KSR2: variants seen among roughly 807,000 people sequenced by gnomAD.
The protein encoded by KSR2 is kinase suppressor of ras 2.
In KSR2, 25 loss-of-function variants were observed where a neutral mutation model predicts 107.8. The ratio of observed to expected loss-of-function variants is 0.23; its 90% CI spans 0.17 to 0.32. The LOEUF is 0.32. Among genes scored for constraint, KSR2 ranks in the 10% least tolerant of loss-of-function variants. KSR2 has a pLI of 1.00. For missense variants in KSR2, 887 were observed against 1,268.9 expected (o/e 0.70, Z 4.57); for synonymous variants, 480 against 507.0 (o/e 0.95, Z 0.71).
intron 14 of KSR2, among the ~76,000 whole-genome samples, chr12:117,489,390 CA>C (rs1178884353): frequency 2.0e-5 from 3 of 151,644 alleles, no homozygotes; most frequent in African/African-American, 4.8e-5. Context: ...AAAGGATACA[CA>C]AAAAAACTAG....
chr12:117,848,171 C>A (rs914702590), intron 3 of KSR2, among the ~76,000 whole-genome samples: 3 of 151,978 alleles, frequency 2.0e-5, no homozygotes, highest in Non-Finnish European at 4.4e-5. Context: ...ATCAAAATGC[C>A]AAAAAGAAGA....
chr12:117,743,968 A>G (rs1888311068), intron 4 of KSR2, among the ~76,000 whole-genome samples: 1 of 152,170 alleles, frequency 6.6e-6, no homozygotes, highest in Non-Finnish European at 1.5e-5. Flanking sequence ...ATGAATTCTC[A>G]GCTCCCTTCA....
intron 5 of KSR2, among the ~76,000 whole-genome samples, chr12:117,653,557 G>A (rs956886148): frequency 1.3e-5 from 2 of 152,216 alleles, no homozygotes; most frequent in African/African-American, 4.8e-5. Context: ...GCAAACACAC[G>A]GGACTTATTG....
At chr12:117,538,917 G>C (rs572493428) in intron 10 of KSR2, among the ~76,000 whole-genome samples, 2 of 152,190 alleles carry the variant, frequency 1.3e-5, no homozygotes, top group East Asian at 3.9e-4. Flanking sequence ...CCTAGCAGAG[G>C]AACCGGGCCA....
At chr12:117,875,458 GCAGCGC>G (rs1893810898) in intron 1 of KSR2, among the ~76,000 whole-genome samples, 1 of 151,870 alleles carries the variant, frequency 6.6e-6, no homozygotes. Context: ...AAACCTCGCA[GCAGCGC>G]CAAGGGAAGG....
intron 5 of KSR2, among the ~76,000 whole-genome samples, chr12:117,619,786 G>A (rs1882085259): frequency 1.3e-5 from 2 of 151,684 alleles, no homozygotes; most frequent in Non-Finnish European, 2.9e-5. Context: ...TTTTTATAAA[G>A]ACAGCTTTAT....
At chr12:117,475,800 A>G (rs1481060430) in intron 17 of KSR2, among the ~76,000 whole-genome samples, 1 of 152,232 alleles carries the variant, frequency 6.6e-6, no homozygotes, top group Admixed American at 6.5e-5. Flanking sequence ...ATATGGTAGG[A>G]GCAATGATAT....
intron 4 of KSR2, among the ~76,000 whole-genome samples, chr12:117,710,942 T>A (rs1886747491): frequency 6.6e-6 from 1 of 152,154 alleles, no homozygotes; most frequent in South Asian, 2.1e-4. Context: ...CAGTCTTCAC[T>A]CCATTCTCCA....
chr12:117,719,672 C>A (rs575388016), intron 4 of KSR2, among the ~76,000 whole-genome samples: 1 of 152,318 alleles, frequency 6.6e-6, no homozygotes, highest in South Asian at 2.1e-4. Flanking sequence ...GCTAGACCCT[C>A]TTCAACCATT....
At chr12:117,612,656 A>G (rs1881667967) in intron 5 of KSR2, among the ~76,000 whole-genome samples, 1 of 149,322 alleles carries the variant, frequency 6.7e-6, no homozygotes, top group Admixed American at 6.8e-5. Flanking sequence ...CAATTTGCAG[A>G]AGAAAAACCA....
chr12:117,862,965 G>A (rs1172285103), intron 1 of KSR2, among the ~76,000 whole-genome samples: 3 of 152,030 alleles, frequency 2.0e-5, no homozygotes, highest in Admixed American at 6.6e-5. Context: ...TCCTGATCTC[G>A]TGATCCACCT....
chr12:117,479,496 G>C (rs969481397), intron 16 of KSR2, among the ~76,000 whole-genome samples: 2 of 152,178 alleles, frequency 1.3e-5, no homozygotes, highest in Non-Finnish European at 2.9e-5. Context: ...GGCATTGCAG[G>C]ATGGTCAGCA....
In KSR2 at chr12:117,674,374, G is replaced by T. The variant is rs188571097; in HGVS notation, c.987-6716C>A. On this transcript the variant is annotated intron_variant, in intron 4 of 19. Coordinates refer to ENST00000339824, the MANE Select transcript of KSR2 (RefSeq NM_173598.6). The stretch of plus-strand genomic sequence containing the variant: ...TTGTTATACTAAAGTGAAATTCACA[G>T]AACGTAAAATTCACCATTTTAAATT... 1.6e-3 allele frequency: 745 copies of T among 463,928 alleles called. 4 individuals carry two copies. Among genetic ancestry groups the T allele is most frequent in the Middle Eastern group, 0.011 (32 of 2,980 alleles). The allele number at this position is 463,928 out of a possible 1,614,324, so 28.7% of individuals were successfully genotyped here.
At chr12:117,796,421 T>C (rs926257766) in intron 3 of KSR2, among the ~76,000 whole-genome samples, 1 of 152,168 alleles carries the variant, frequency 6.6e-6, no homozygotes, top group Non-Finnish European at 1.5e-5. Context: ...CAAGTTGTCA[T>C]TACCATCAGC....
chr12:117,716,921 T>C (rs148143735), intron 4 of KSR2, among the ~76,000 whole-genome samples: 160 of 152,354 alleles, frequency 1.1e-3, no homozygotes, highest in African/African-American at 3.6e-3. Context: ...AAGTGTTTTA[T>C]TTCCTCCCAC....
At chr12:117,881,066 G>T (rs967177575) in intron 1 of KSR2, among the ~76,000 whole-genome samples, 16 of 151,922 alleles carry the variant, frequency 1.1e-4, no homozygotes, top group African/African-American at 3.1e-4. Flanking sequence ...CAGATTTCAA[G>T]TATCTCAAGG....
intron 3 of KSR2, among the ~76,000 whole-genome samples, chr12:117,831,108 C>T (rs1891947036): frequency 6.6e-6 from 1 of 152,186 alleles, no homozygotes; most frequent in Admixed American, 6.5e-5. Flanking sequence ...ATATTATTAT[C>T]AATATGCCCT....
At chr12:117,522,765 T>C (rs1175787111) in intron 14 of KSR2, among the ~76,000 whole-genome samples, 1 of 152,100 alleles carries the variant, frequency 6.6e-6, no homozygotes, top group Non-Finnish European at 1.5e-5. Context: ...GTTGAGGATA[T>C]CCCCTGACAA....
chr12:117,877,320 G>C (rs1489361361), intron 1 of KSR2, among the ~76,000 whole-genome samples: 1 of 152,116 alleles, frequency 6.6e-6, no homozygotes, highest in African/African-American at 2.4e-5. Flanking sequence ...CTGGGTGACA[G>C]AGTAAGACTC....
Sources: allele counts gnomAD v4.1 joint callset (sites outside exome capture counted in the v4.1 genomes callset), GRCh38; gene constraint gnomAD v4.1.1; transcripts MANE v1.5; gene names NCBI Gene and HGNC (gene_info 2026-07-23, HGNC 2026-07-21).